The following CARD8 variants were observed in gnomAD, a reference collection of about 807,000 sequenced individuals.
The protein encoded by CARD8 is caspase recruitment domain-containing protein 8.
In CARD8, 38 loss-of-function variants were observed where a neutral mutation model predicts 53.2. The observed-to-expected ratio is 0.71, with a 90% CI of 0.55 to 0.94. The LOEUF (loss-of-function observed/expected upper bound fraction) is 0.94, where lower values mean the gene tolerates loss of function less well. CARD8 is among the 40% of genes least tolerant of loss of function. CARD8 has a pLI of 0.00. For missense variants in CARD8, 561 were observed against 655.5 expected (o/e 0.86, Z 1.57); for synonymous variants, 245 against 244.9 (o/e 1.00, Z 0.00).
intron 1 of CARD8, chr19:48,255,557 G>C (rs181722690): frequency 3.9e-5 from 6 of 152,112 alleles, no homozygotes; most frequent in African/African-American, 1.2e-4. Context: ...GACTGTCCAA[G>C]CCAAGTCACT....
In CARD8 at chr19:48,231,571, G is replaced by A. The variant is rs541546264; in HGVS notation, c.542+89C>T. On this transcript the variant is annotated intron_variant, in intron 8 of 13. Coordinates refer to ENST00000651546, the MANE Select transcript of CARD8 (RefSeq NM_001184900.3). ...GCCCTCCTCCACCTCCCAAAGTGCC[G>A]AGATTACAGGCCTGAGCCACCACGC... The A allele has an allele frequency of 1.2e-4, 161 of 1,342,092 alleles. No homozygotes were observed. In the East Asian group the frequency reaches 3.4e-3, roughly 28 times the overall value. 83.1% of individuals were successfully genotyped at this position (1,342,092 alleles called of 1,614,324 possible).
chr19:48,206,452 G>T (rs1892795308), downstream of CARD8: 1 of 459,942 alleles, frequency 2.2e-6, no homozygotes, highest in East Asian at 7.0e-5. Context: ...GGTAACCAAG[G>T]GTTAAGGCAC....
intron 10 of CARD8, among the ~76,000 whole-genome samples, chr19:48,225,112 G>A (rs1344108522): frequency 1.4e-5 from 2 of 145,212 alleles, no homozygotes; most frequent in Non-Finnish European, 3.0e-5. Context: ...ATGATATAGA[G>A]TACACAATTT....
chr19:48,224,428 T>C (rs1175503398), intron 10 of CARD8, among the ~76,000 whole-genome samples: 1 of 151,900 alleles, frequency 6.6e-6, no homozygotes. Context: ...TGTGTATGTG[T>C]ATTAATATGT....
intron 12 of CARD8, among the ~76,000 whole-genome samples, chr19:48,217,237 C>T (rs747720210): frequency 6.6e-6 from 1 of 152,192 alleles, no homozygotes; most frequent in Non-Finnish European, 1.5e-5. Context: ...GGCCACAGAC[C>T]GGTACCAGTC....
intron 10 of CARD8, among the ~76,000 whole-genome samples, chr19:48,224,404 T>C (rs2041316557): frequency 6.6e-6 from 1 of 152,204 alleles, no homozygotes; most frequent in Admixed American, 6.5e-5. Context: ...TCCCTTCATA[T>C]TGTCTTCCAA....
chr19:48,223,888 C>A (rs1474849510), intron 10 of CARD8: 1 of 456,120 alleles, frequency 2.2e-6, no homozygotes, highest in African/African-American at 2.0e-5. Flanking sequence ...ATAAGGCACA[C>A]AACAAATATT....
At chr19:48,224,282 T>A (rs188167627) in intron 10 of CARD8, among the ~76,000 whole-genome samples, 16 of 152,256 alleles carry the variant, frequency 1.1e-4, no homozygotes, top group Admixed American at 2.0e-4. Flanking sequence ...CCACATTTTT[T>A]AAAAACAGCA....
At chr19:48,237,269 C>T (rs1215472929) in intron 5 of CARD8, among the ~76,000 whole-genome samples, 1 of 152,016 alleles carries the variant, frequency 6.6e-6, no homozygotes, top group East Asian at 1.9e-4. Flanking sequence ...CATATGATGT[C>T]AGCAGGAGCA....
intron 3 of CARD8, among the ~76,000 whole-genome samples, chr19:48,244,590 T>C (rs1186383917): frequency 1.2e-4 from 18 of 152,170 alleles, no homozygotes; most frequent in Non-Finnish European, 1.5e-5. Context: ...GAGATAAATG[T>C]GGTAGAGGCG....
rs1450136403 is a variant in CARD8, at chr19:48,209,346, T to C, written c.*2364A>G. On this transcript the variant is annotated 3_prime_UTR_variant, in exon 14 of 14. Transcript: ENST00000651546. ...AAATGCTGACACATTTGCAGGAAAATAGAATATAAGGCAAGAAATTTAAAA... is the reference window on the plus strand; with the variant it reads ...AAATGCTGACACATTTGCAGGAAAACAGAATATAAGGCAAGAAATTTAAAA... 2.8e-5 allele frequency: 4 copies of C among 143,840 alleles called. No individual in the cohort carries two copies. The highest frequency in any genetic ancestry group is 2.0e-4 in the East Asian group (1 of 5,008). 8.9% of individuals were successfully genotyped at this position (143,840 alleles called of 1,614,324 possible).
chr19:48,240,766 GT>G (rs1379178991), intron 4 of CARD8, among the ~76,000 whole-genome samples, 195 bp downstream of exon 4: 2 of 127,496 alleles, frequency 1.6e-5, no homozygotes, highest in Non-Finnish European at 1.7e-5. Context: ...AAGACTCTGT[GT>G]CAAAAAAAAA....
At chr19:48,240,081 T>C (rs1049138493) in intron 4 of CARD8, among the ~76,000 whole-genome samples, 3 of 152,208 alleles carry the variant, frequency 2.0e-5, no homozygotes, top group African/African-American at 4.8e-5. Context: ...CATATTAATA[T>C]TGGAAGAACA....
chr19:48,223,853 G>A (rs1256264435), intron 10 of CARD8: 1 of 455,988 alleles, frequency 2.2e-6, no homozygotes, highest in African/African-American at 2.0e-5. Context: ...TGTATCCTCA[G>A]CCTCTAAAAT....
In CARD8 at chr19:48,241,066, G is replaced by T; in HGVS notation, c.-43-3C>A. The T allele has an allele frequency of 6.9e-7, 1 of 1,446,638 alleles. No individual in the cohort carries two copies. The highest frequency in any genetic ancestry group is 9.4e-7 in the Non-Finnish European group (1 of 1,068,446). 89.6% of individuals were successfully genotyped at this position (1,446,638 alleles called of 1,614,324 possible). A position where few individuals can be genotyped will look rare whatever the true frequency, so the allele number is the denominator to read the frequency against. On this transcript the variant is annotated splice_region_variant and splice_polypyrimidine_tract_variant and intron_variant, in intron 3 of 13. Transcript: ENST00000651546. ...GTCTTTACTGTATCTTTTTTACCCT[G>T]AAAAAATAAAAGGAGGTTGTATTTA...
At chr19:48,226,301 G>A (rs1208216989) in intron 10 of CARD8, among the ~76,000 whole-genome samples, 1 of 152,044 alleles carries the variant, frequency 6.6e-6, no homozygotes, top group Non-Finnish European at 1.5e-5. Context: ...TTGGCTCACT[G>A]CAACCTCTGC....
At chr19:48,207,053 A>C (rs1430355808), downstream of CARD8, among the ~76,000 whole-genome samples, 2 of 151,876 alleles carry the variant, frequency 1.3e-5, no homozygotes, top group African/African-American at 4.8e-5. Context: ...CTGTAATCCC[A>C]GCTACTCAGG....
intron 1 of CARD8, among the ~76,000 whole-genome samples, chr19:48,253,321 G>A (rs967270728): frequency 8.5e-5 from 13 of 152,078 alleles, no homozygotes; most frequent in African/African-American, 2.9e-4. Flanking sequence ...CTGGCCTCAC[G>A]TGATCCACCT....
downstream of CARD8, among the ~76,000 whole-genome samples, chr19:48,207,908 G>A (rs187208316): frequency 3.8e-4 from 57 of 151,216 alleles, no homozygotes; most frequent in South Asian, 6.3e-4. Flanking sequence ...GCTAATTTTT[G>A]TAATTTTAGT....
Sources: allele counts gnomAD v4.1 joint callset (sites outside exome capture counted in the v4.1 genomes callset), GRCh38; gene constraint gnomAD v4.1.1; transcripts MANE v1.5; gene names NCBI Gene and HGNC (gene_info 2026-07-23, HGNC 2026-07-21).